AKAIN1: variants seen among roughly 807,000 people sequenced by gnomAD.
AKAIN1 encodes the protein A-kinase anchor protein inhibitor 1.
Under a neutral mutation model 3.7 loss-of-function variants are expected in AKAIN1, and 3 were observed. That is an observed-to-expected ratio of 0.82 (90% CI 0.37 to 2.12). The LOEUF is 2.12. Among genes scored for constraint, AKAIN1 ranks in the 30% most tolerant of loss-of-function variants. AKAIN1 has a pLI of 0.06. For missense variants in AKAIN1, 82 were observed against 82.7 expected (o/e 0.99, Z 0.03); for synonymous variants, 31 against 30.8 (o/e 1.01, Z -0.02).
At chr18:5,186,425 A>G (rs555730813) in intron 1 of AKAIN1, among the ~76,000 whole-genome samples, 3 of 152,142 alleles carry the variant, frequency 2.0e-5, no homozygotes, top group Non-Finnish European at 4.4e-5. Flanking sequence ...AACATTCAGA[A>G]TGAGGTTACT....
rs370601324 is a variant in AKAIN1 at position 5,145,574 on chromosome 18, G to C, written c.198C>G (p.His66Gln). The change falls in exon 2 of 2, where the codon CAC (histidine) becomes CAG (glutamine). Residue 66 changes from histidine (H) to glutamine (Q), a missense_variant. His to Gln is a conservative substitution (Grantham distance 24, BLOSUM62 0). Coordinates refer to ENST00000434239, the MANE Select transcript of AKAIN1 (RefSeq NM_001145194.2). The stretch of plus-strand genomic sequence containing the variant: ...CAAATCCACCATGTTACTTCTTTTC[G>C]TGCTTCTTGGTTAACTCCCCAACGC... ...QLGVGELTKKHEKK is the reference protein window; with the variant it reads ...QLGVGELTKKQEKK 2 of 1,551,238 alleles carry C rather than the reference G, an allele frequency of 1.3e-6. No homozygotes were observed. The highest frequency in any genetic ancestry group is 1.7e-6 in the Non-Finnish European group (2 of 1,146,830).
At chr18:5,146,212 C>G (rs2071048433) in intron 1 of AKAIN1, among the ~76,000 whole-genome samples, 1 of 152,164 alleles carries the variant, frequency 6.6e-6, no homozygotes, top group Non-Finnish European at 1.5e-5. Flanking sequence ...TAGAAAAGAA[C>G]AGACCGTTGC....
At chr18:5,195,154 A>AG in intron 1 of AKAIN1, among the ~76,000 whole-genome samples, 1 of 151,920 alleles carries the variant, frequency 6.6e-6, no homozygotes, top group South Asian at 2.1e-4. Context: ...TGATGAAAAA[A>AG]AAAGTTTCCC....
intron 1 of AKAIN1, among the ~76,000 whole-genome samples, chr18:5,184,358 G>GAAATAAA (rs1241554002): frequency 6.6e-6 from 1 of 152,024 alleles, no homozygotes; most frequent in Non-Finnish European, 1.5e-5. Flanking sequence ...ATCGGCAAAA[G>GAAATAAA]AAATAAATAA....
intron 1 of AKAIN1, among the ~76,000 whole-genome samples, chr18:5,181,507 G>A (rs1598314468): frequency 6.6e-6 from 1 of 152,026 alleles, no homozygotes; most frequent in Non-Finnish European, 1.5e-5. Context: ...GCACAGAGTA[G>A]GTCTTATACA....
At position 5,158,400 on chromosome 18, in the gene AKAIN1, G is replaced by A. The variant is rs1396662156; in HGVS notation, c.17-12645C>T. 4.6e-5 allele frequency among the ~76,000 whole-genome samples: 7 copies of A among 152,316 alleles called. 1 individual carries two copies. The highest frequency in any genetic ancestry group is 4.1e-4 in the South Asian group (2 of 4,826). ...GACGGTGCAGAAAACACACTAGAAC[G>A]TGAATATTAGAAAGGCTGCTCCAAT... is the stretch of plus-strand genomic sequence containing the variant. On this transcript the variant is annotated intron_variant, in intron 1 of 1. Coordinates refer to ENST00000434239, the MANE Select transcript of AKAIN1 (RefSeq NM_001145194.2).
chr18:5,172,899 CT>C (rs1304503392), intron 1 of AKAIN1, among the ~76,000 whole-genome samples: 4 of 151,754 alleles, frequency 2.6e-5, no homozygotes, highest in African/African-American at 9.7e-5. Context: ...AATTACACAC[CT>C]TTTGTTTTAA....
intron 1 of AKAIN1, among the ~76,000 whole-genome samples, chr18:5,176,708 A>C (rs2071228878): frequency 6.6e-6 from 1 of 152,200 alleles, no homozygotes; most frequent in Non-Finnish European, 1.5e-5. Flanking sequence ...AATTATGAAA[A>C]GTAATGGCTA....
At chr18:5,165,734 C>T (rs2071164289) in intron 1 of AKAIN1, among the ~76,000 whole-genome samples, 1 of 152,028 alleles carries the variant, frequency 6.6e-6, no homozygotes, top group Non-Finnish European at 1.5e-5. Context: ...TCATGTATCA[C>T]CACTCCTCTT....
chr18:5,194,700 C>T (rs2143044876), intron 1 of AKAIN1, among the ~76,000 whole-genome samples: 1 of 152,312 alleles, frequency 6.6e-6, no homozygotes, highest in South Asian at 2.1e-4. Context: ...TTGAAGGGCA[C>T]AGTACCCACT....
At chr18:5,178,942 T>A (rs1274034817) in intron 1 of AKAIN1, among the ~76,000 whole-genome samples, 1 of 152,168 alleles carries the variant, frequency 6.6e-6, no homozygotes, top group Non-Finnish European at 1.5e-5. Context: ...TTTAAAGGTA[T>A]TGGTATGCCA....
At chr18:5,183,002 C>T (rs2071267278) in intron 1 of AKAIN1, among the ~76,000 whole-genome samples, 1 of 151,972 alleles carries the variant, frequency 6.6e-6, no homozygotes, top group African/African-American at 2.4e-5. Flanking sequence ...GTCCCTAACT[C>T]TATTTTGCAA....
chr18:5,152,338 G>C (rs2071084755), intron 1 of AKAIN1, among the ~76,000 whole-genome samples: 1 of 152,138 alleles, frequency 6.6e-6, no homozygotes, highest in Non-Finnish European at 1.5e-5. Context: ...AACCCACACA[G>C]AGGAACAGGA....
intron 1 of AKAIN1, among the ~76,000 whole-genome samples, chr18:5,174,927 T>C (rs1281494935): frequency 1.3e-5 from 2 of 152,108 alleles, no homozygotes; most frequent in African/African-American, 2.4e-5. Context: ...GGGACTATCC[T>C]GTGCACAGTA....
chr18:5,142,948 A>G lies in AKAIN1; in HGVS notation c.*2614T>C, dbSNP rs2071029319. ...TACTGTTTGCACTGAACAGATGATT[A>G]CAGCAGAGAAAAGTAACATGAAAGG... On this transcript the variant is annotated 3_prime_UTR_variant, in exon 2 of 2. Transcript: ENST00000434239. Among the ~76,000 whole-genome samples, 3 of 152,360 alleles carry G rather than the reference A, an allele frequency of 2.0e-5. No individual in the cohort carries two copies.
intron 1 of AKAIN1, among the ~76,000 whole-genome samples, chr18:5,172,861 T>C (rs955814512): frequency 7.9e-5 from 12 of 152,210 alleles, no homozygotes; most frequent in Non-Finnish European, 1.0e-4. Context: ...AAAAGAGTTA[T>C]TATGGAAGAA....
At chr18:5,168,880 G>A (rs73943131) in intron 1 of AKAIN1, among the ~76,000 whole-genome samples, 82 of 122,208 alleles carry the variant, frequency 6.7e-4, no homozygotes, top group African/African-American at 2.9e-3. Flanking sequence ...AAAAAAAAAA[G>A]CAAACAAACA....
chr18:5,152,738 A>G (rs366730), intron 1 of AKAIN1, among the ~76,000 whole-genome samples: 111,581 of 152,066 alleles, frequency 0.73, 42,337 homozygotes, highest in African/African-American at 0.93. Flanking sequence ...GAACATTACA[A>G]GCAAAAAGAT....
rs558649374 is a variant in AKAIN1, at chr18:5,196,869, G to A, written c.16+169C>T. 1.3e-3 allele frequency among the ~76,000 whole-genome samples: 201 copies of A among 152,340 alleles called. 5 individuals are homozygous for A. The highest frequency in any genetic ancestry group is 1.8e-4 in the Non-Finnish European group (12 of 68,032). ...AGGACAGATGGGGCGGGACTGGGGA[G>A]AGGGGCGAAGGCGACGCGCCGAGGC... is the stretch of plus-strand genomic sequence containing the variant. On this transcript the variant is annotated intron_variant, in intron 1 of 1. Transcript: ENST00000434239.
Sources: allele counts gnomAD v4.1 joint callset (sites outside exome capture counted in the v4.1 genomes callset), GRCh38; gene constraint gnomAD v4.1.1; transcripts MANE v1.5; gene names NCBI Gene and HGNC (gene_info 2026-07-23, HGNC 2026-07-21).